WDR81: variants seen among roughly 807,000 people sequenced by gnomAD.
The protein encoded by WDR81 is WD repeat-containing protein 81.
WDR81 carries 92 observed loss-of-function variants against 140.8 expected under a neutral mutation model. The observed-to-expected ratio is 0.65, with a 90% CI of 0.55 to 0.78. The LOEUF (loss-of-function observed/expected upper bound fraction) is 0.78, where lower values mean the gene tolerates loss of function less well. WDR81 is among the 30% of genes least tolerant of loss of function. The pLI, the probability that WDR81 is intolerant of heterozygous loss-of-function variation, is 0.00. For synonymous variants in WDR81, 1,183 were observed against 1,156.4 expected (o/e 1.02, Z -0.47); for missense variants, 2,502 against 2,636.4 (o/e 0.95, Z 1.12).
rs1426239299 is a variant in WDR81 at position 1,727,423 on chromosome 17, C to G, written c.2464C>G (p.Leu822Val). 3.2e-6 allele frequency: 5 copies of G among 1,550,288 alleles called. 1 individual carries two copies. In the South Asian group the frequency reaches 5.9e-5, roughly 18 times the overall value. Residue 822 changes from leucine to valine, a missense_variant, in exon 1 of 10, where the codon CTG becomes GTG. Leu to Val is a conservative substitution (Grantham distance 32, BLOSUM62 1). Coordinates refer to ENST00000409644, the MANE Select transcript of WDR81 (RefSeq NM_001163809.2). ...KEVPVSLQPV[L>V]DTLLQMSGPE... The stretch of plus-strand genomic sequence containing the variant: ...GGTCCCTGTGTCTTTGCAGCCCGTG[C>G]TGGACACACTCCTGCAGATGAGTGG...
rs1290931880 is a variant in WDR81, at chr17:1,726,722, AC to A, written c.1768del (p.Gln590SerfsTer49). Reference protein sequence around the residue: ...YGVVQLFDQPHPQRLAGAPAL... With the variant: ...YGVVQLFDQPXPQRLAGAPAL... ...GTGGTGCAGCTCTTCGATCAGCCAC[AC>A]CCCCAGCGCCTGGCTGGGGCTCCTG... On this transcript the variant is annotated frameshift_variant, in exon 1 of 10. Coordinates refer to ENST00000409644, the MANE Select transcript of WDR81 (RefSeq NM_001163809.2). LOFTEE classifies it high-confidence loss of function. 2 of 1,547,696 alleles carry A rather than the reference AC, an allele frequency of 1.3e-6. No individual in the cohort carries two copies. Among genetic ancestry groups the A allele is most frequent in the Non-Finnish European group, 8.7e-7 (1 of 1,146,456 alleles).
intron 1 of WDR81, among the ~76,000 whole-genome samples, chr17:1,718,512 C>A (rs1375987417): frequency 6.6e-6 from 1 of 152,234 alleles, no homozygotes; most frequent in Non-Finnish European, 1.5e-5. Context: ...CACATGGCCA[C>A]CCCCCATAGC....
In WDR81 at chr17:1,728,548, G is replaced by A. The variant is rs745617379; in HGVS notation, c.3589G>A (p.Gly1197Ser). 5.2e-6 allele frequency: 8 copies of A among 1,534,038 alleles called. No individual in the cohort carries two copies. The highest frequency in any genetic ancestry group is 2.0e-5 in the Admixed American group (1 of 49,186). ...GTCCATGGAGACGGTTGTGGCCGGC[G>A]GCAGTGGGGGAGATGGAGAAGAAGA... ...VLSMETVVAG[G>S]SGGDGEEEEE... The change falls in exon 1 of 10, where the codon GGC (glycine) becomes AGC (serine). Residue 1197 changes from glycine (G) to serine (S), a missense_variant. Gly to Ser is a moderately conservative substitution (Grantham distance 56). This residue lies in a region of WDR81 where 1,737 missense variants were observed against 1,843.0 expected (regional missense o/e 0.94). Transcript: ENST00000409644.
At chr17:1,733,055 C>T (rs1904500344) in intron 6 of WDR81, 3 of 560,012 alleles carry the variant, frequency 5.4e-6, no homozygotes, top group Non-Finnish European at 6.0e-6. Flanking sequence ...TGTAGTGTCC[C>T]TGGGGAAGGC....
chr17:1,735,493 T>G lies in WDR81; in HGVS notation c.5180-79T>G. 7.2e-6 allele frequency: 10 copies of G among 1,382,662 alleles called. No individual in the cohort carries two copies. The highest frequency in any genetic ancestry group is 1.5e-5 in the African/African-American group (1 of 67,400). The allele number at this position is 1,382,662 out of a possible 1,614,324, so 85.6% of individuals were successfully genotyped here. Reference sequence around the variant, plus strand: ...TGGGGGACGGGAGGCAGGTGTGCGGTGAGTTGGGGGATTAGAAGCTCCCAG... The same window carrying G: ...TGGGGGACGGGAGGCAGGTGTGCGGGGAGTTGGGGGATTAGAAGCTCCCAG... On this transcript the variant is annotated intron_variant, in intron 7 of 9. Coordinates refer to ENST00000409644, the MANE Select transcript of WDR81 (RefSeq NM_001163809.2). The surrounding 1 kb of genome is among the most constrained non-coding windows in gnomAD (Gnocchi z 4.2).
At chr17:1,721,939 C>G (rs1272348322), upstream of WDR81, among the ~76,000 whole-genome samples, 2 of 151,746 alleles carry the variant, frequency 1.3e-5, no homozygotes, top group Non-Finnish European at 2.9e-5. Context: ...GCCTGACCAA[C>G]ATGGAGAAAC....
In WDR81 at chr17:1,737,494, G is replaced by A. The variant is rs1374639302; in HGVS notation, c.5635G>A (p.Gly1879Ser). Residue 1879 changes from glycine (G) to serine (S), a missense_variant, in exon 10 of 10, where the codon GGC (glycine) becomes AGC (serine). Coordinates refer to ENST00000409644, the MANE Select transcript of WDR81 (RefSeq NM_001163809.2). Reference sequence around the variant, plus strand: ...CCCCATCCACACCTTTGACCTGTACGGCAGCGAGGTGGTCACTGGCACCGT... The same window carrying A: ...CCCCATCCACACCTTTGACCTGTACAGCAGCGAGGTGGTCACTGGCACCGT... ...SDPIHTFDLY[G>S]SEVVTGTVSN... 9 of 1,613,002 alleles carry A rather than the reference G, an allele frequency of 5.6e-6. No individual in the cohort carries two copies. Among genetic ancestry groups the A allele is most frequent in the Admixed American group, 3.3e-5 (2 of 60,004 alleles).
Position 1,737,562 on chromosome 17 carries a change from G to A in WDR81, c.5703G>A (p.Ser1901=), listed in dbSNP as rs111744380. 1,035 of 1,612,862 alleles carry A rather than the reference G, an allele frequency of 6.4e-4. 11 individuals carry two copies. In the African/African-American group the frequency reaches 0.012, roughly 18 times the overall value. Reference sequence around the variant, plus strand: ...TCTGCTCCCTGCTTGAGCCACCCTCGCAGGCCACCACGAAGCTCAGCTCTG... The same window carrying A: ...TCTGCTCCCTGCTTGAGCCACCCTCACAGGCCACCACGAAGCTCAGCTCTG... The part of the protein sequence containing the change: ...IGVCSLLEPP[S]QATTKLSSEN... Residue 1901 remains serine (S), a synonymous_variant, in exon 10 of 10, where the codon TCG becomes TCA. Transcript: ENST00000409644.
chr17:1,717,762 C>G (rs1914657560), intron 1 of WDR81, among the ~76,000 whole-genome samples: 1 of 152,186 alleles, frequency 6.6e-6, no homozygotes, highest in Admixed American at 6.5e-5. Flanking sequence ...CTGTCTCCCC[C>G]AACCCCAACC....
chr17:1,734,198 G>T lies in WDR81; in HGVS notation c.5161G>T (p.Val1721Phe). The T allele has an allele frequency of 6.3e-7, 1 of 1,589,614 alleles. No individual in the cohort carries two copies. Among genetic ancestry groups the T allele is most frequent in the African/African-American group, 1.3e-5 (1 of 74,930 alleles). The change falls in exon 7 of 10, where the codon GTC (valine) becomes TTC (phenylalanine). Residue 1721 changes from valine to phenylalanine, a missense_variant. Physicochemically the swap from Val to Phe is conservative, Grantham distance 50. This residue lies in a region of WDR81 where 1,737 missense variants were observed against 1,843.0 expected (regional missense o/e 0.94). Transcript: ENST00000409644. ...HVVSCDGAVH[V>F]WDPFTGKTLR... ...GGTGAGCTGTGACGGGGCTGTGCAC[G>T]TCTGGGACCCCTTCACAGGTGAGCG...
At chr17:1,724,582 A>G, upstream of WDR81, 1 of 937,236 alleles carries the variant, frequency 1.1e-6, no homozygotes, top group South Asian at 5.1e-5. Flanking sequence ...GCCCAGACCG[A>G]GCCAGAGCGG....
Position 1,727,999 on chromosome 17 carries a change from G to T in WDR81, c.3040G>T (p.Gly1014Cys), listed in dbSNP as rs555413396. ...GCCCCATGTCCTGCAGGTGCTGGCGGGCGCAGAGGCCTCCCAGGAGGAGAG... is the reference window on the plus strand; with the variant it reads ...GCCCCATGTCCTGCAGGTGCTGGCGTGCGCAGAGGCCTCCCAGGAGGAGAG... ...LLPHVLQVLA[G>C]AEASQEESKD... The change falls in exon 1 of 10, where the codon GGC (glycine) becomes TGC (cysteine). Residue 1014 changes from glycine (G) to cysteine (C), a missense_variant. By Grantham distance (159) the Gly-to-Cys change is radical. Coordinates refer to ENST00000409644, the MANE Select transcript of WDR81 (RefSeq NM_001163809.2). 85 of 1,550,836 alleles carry T rather than the reference G, an allele frequency of 5.5e-5. No individual in the cohort carries two copies. In the African/African-American group the frequency reaches 1.1e-3, roughly 20 times the overall value.
At position 1,727,102 on chromosome 17, in the gene WDR81, G is replaced by A. The variant is rs1316614060; in HGVS notation, c.2143G>A (p.Glu715Lys). The A allele has an allele frequency of 3.9e-6, 6 of 1,547,636 alleles. No homozygotes were observed. In the South Asian group the frequency reaches 6.0e-5, roughly 15 times the overall value. Reference sequence around the variant, plus strand: ...TGCTGGGGCAGACCCTGGGGAGGGTGAGGAGGGGAGGATTCTTCTTCCCGA... The same window carrying A: ...TGCTGGGGCAGACCCTGGGGAGGGTAAGGAGGGGAGGATTCTTCTTCCCGA... ...KAAGADPGEG[E>K]EGRILLPEGF... is the part of the protein sequence containing the mutation. Residue 715 changes from glutamate to lysine, a missense_variant, in exon 1 of 10, where the codon GAG (glutamate) becomes AAG (lysine). Transcript: ENST00000409644.
At chr17:1,729,036 C>A (rs1597292927) in intron 1 of WDR81, among the ~76,000 whole-genome samples, 1 of 152,162 alleles carries the variant, frequency 6.6e-6, no homozygotes. Context: ...AGCAGTGGAT[C>A]GAGCCAGGAC....
Position 1,725,587 on chromosome 17 carries a change from C to CGAGG in WDR81, c.629_630insAGGG (p.Ser212GlyfsTer7). Reference sequence around the variant, plus strand: ...TGCCAGAGAAGGCCCCTGCCCCCCTCGGGGCAGCCCTGCTTGCCCTAGTCT... The same window carrying CGAGG: ...TGCCAGAGAAGGCCCCTGCCCCCCTCGAGGGGGGCAGCCCTGCTTGCCCTAGTCT... On this transcript the variant is annotated frameshift_variant, in exon 1 of 10. Transcript: ENST00000409644. LOFTEE classifies it high-confidence loss of function. 1 of 1,545,178 alleles carries CGAGG rather than the reference C, an allele frequency of 6.5e-7. No individual in the cohort carries two copies.
upstream of WDR81, chr17:1,724,675 C>A: frequency 1.1e-5 from 12 of 1,055,018 alleles, no homozygotes; most frequent in Non-Finnish European, 1.3e-5. Flanking sequence ...CGCTTGTTTC[C>A]GTGCTGGGGC....
chr17:1,727,592 C>G lies in WDR81; in HGVS notation c.2633C>G (p.Pro878Arg). Residue 878 changes from proline to arginine, a missense_variant, in exon 1 of 10, where the codon CCG becomes CGG. Pro to Arg is a moderately radical substitution (Grantham distance 103). Around this residue, in one of 3 missense-constraint regions of WDR81, gnomAD observed 1,737 missense variants for 1,843.0 expected, o/e 0.94. Coordinates refer to ENST00000409644, the MANE Select transcript of WDR81 (RefSeq NM_001163809.2). The stretch of plus-strand genomic sequence containing the variant: ...GTGGTTCCCTTCCCACCCTACTTCC[C>G]GGCACTGCACAGATTCATCCTCCTG... The part of the protein sequence containing the change: ...SSVVPFPPYF[P>R]ALHRFILLYQ... 6.4e-7 allele frequency: 1 copy of G among 1,550,554 alleles called. No individual in the cohort carries two copies. Among genetic ancestry groups the G allele is most frequent in the Non-Finnish European group, 8.7e-7 (1 of 1,147,046 alleles).
chr17:1,730,591 C>T (rs1415153983), intron 2 of WDR81, 104 bp downstream of exon 2: 1 of 1,414,766 alleles, frequency 7.1e-7, no homozygotes, highest in Non-Finnish European at 9.5e-7. Flanking sequence ...TCCCTCAAAC[C>T]ACCCCCCGGC....
At chr17:1,736,253 A>T (rs1567729357) in intron 9 of WDR81, 35 bp downstream of exon 9, 2 of 1,573,854 alleles carry the variant, frequency 1.3e-6, no homozygotes, top group Non-Finnish European at 1.7e-6. Context: ...TTGCTGCCCA[A>T]CCCCCGCCCC....
Sources: gnomAD v4.1 joint callset for allele counts (sites outside exome capture counted in the v4.1 genomes callset) on GRCh38, gnomAD v4.1.1 for gene constraint, gnomAD v4.1.1 regional missense constraint, Gnocchi (gnomAD v3.1) non-coding constraint, MANE v1.5 for transcripts, NCBI Gene and HGNC (gene_info 2026-07-23, HGNC 2026-07-21) for gene names.